Variants in RORA observed in about 807,000 individuals in gnomAD.
The protein encoded by RORA is nuclear receptor ROR-alpha.
RORA carries 7 observed loss-of-function variants against 69.5 expected under a neutral mutation model. The observed-to-expected ratio is 0.10, with a 90% confidence interval of 0.06 to 0.19. The LOEUF (loss-of-function observed/expected upper bound fraction) is 0.19, where lower values mean the gene tolerates loss of function less well. Ranked by LOEUF, RORA falls within the 10% of genes least tolerant of loss-of-function variation. The pLI, the probability that RORA is intolerant of heterozygous loss-of-function variation, is 1.00. For missense variants in RORA, 457 were observed against 663.0 expected, an observed-to-expected ratio of 0.69 and a Z score of 3.41; for synonymous variants, 261 against 240.8, an observed-to-expected ratio of 1.08 and a Z score of -0.78.
At chr15:60,834,717 C>A (rs770266473) in intron 1 of RORA, among the ~76,000 whole-genome samples, 5 of 152,226 alleles carry the variant, frequency 3.3e-5, no homozygotes, top group Non-Finnish European at 5.9e-5. Flanking sequence ...ACTTCCATCC[C>A]CCGATGAGGG....
intron 1 of RORA, among the ~76,000 whole-genome samples, chr15:60,845,723 A>G (rs1294305731): frequency 6.6e-6 from 1 of 152,212 alleles, no homozygotes; most frequent in African/African-American, 2.4e-5. Flanking sequence ...TAGCACAATT[A>G]TACACCTCAG....
intron 1 of RORA, among the ~76,000 whole-genome samples, chr15:60,990,134 T>C (rs542119278): frequency 6.6e-6 from 1 of 152,370 alleles, no homozygotes; most frequent in African/African-American, 2.4e-5. Flanking sequence ...CAGCAGACTT[T>C]ATCTTGTTAG....
intron 1 of RORA, among the ~76,000 whole-genome samples, chr15:60,916,738 C>G (rs191421023): frequency 1.3e-5 from 2 of 152,248 alleles, no homozygotes; most frequent in Non-Finnish European, 2.9e-5. Context: ...CCTCTTGACC[C>G]CCAGGTGATT....
intron 1 of RORA, among the ~76,000 whole-genome samples, chr15:60,773,748 C>T (rs143693481): frequency 3.9e-4 from 60 of 152,132 alleles, no homozygotes; most frequent in Admixed American, 1.6e-3. Flanking sequence ...TGAATTGATA[C>T]GCACATAAAG....
chr15:60,702,768 T>C (rs1343515199), intron 1 of RORA, among the ~76,000 whole-genome samples: 1 of 152,222 alleles, frequency 6.6e-6, no homozygotes, highest in African/African-American at 2.4e-5. Flanking sequence ...ATGAGATTTT[T>C]CTATGATGCT....
chr15:60,786,060 C>T (rs2072330020), intron 1 of RORA, among the ~76,000 whole-genome samples: 1 of 152,192 alleles, frequency 6.6e-6, no homozygotes, highest in Non-Finnish European at 1.5e-5. Context: ...TAAAGACTTG[C>T]CTTTGCAAGG....
At chr15:61,021,264 A>G (rs1475542201) in intron 1 of RORA, among the ~76,000 whole-genome samples, 1 of 152,222 alleles carries the variant, frequency 6.6e-6, no homozygotes, top group African/African-American at 2.4e-5. Context: ...TTCAGCCTCT[A>G]TAGTGGGAGA....
chr15:60,765,552 A>G (rs1366197846), intron 1 of RORA: 1 of 152,134 alleles, frequency 6.6e-6, no homozygotes, highest in Non-Finnish European at 1.5e-5. Flanking sequence ...TAGAAGAGAT[A>G]GCCAAGTTAC....
intron 1 of RORA, among the ~76,000 whole-genome samples, chr15:61,063,705 A>C (rs1252032716): frequency 6.6e-6 from 1 of 152,248 alleles, no homozygotes; most frequent in Admixed American, 6.5e-5. Flanking sequence ...TCATGGGTAT[A>C]AAGTATTTAG....
chr15:60,684,831 C>T (rs1219020824), intron 1 of RORA, among the ~76,000 whole-genome samples: 2 of 152,140 alleles, frequency 1.3e-5, no homozygotes, highest in Non-Finnish European at 2.9e-5. Flanking sequence ...GGCTCCAAAT[C>T]TGAAGGCTTT....
At chr15:61,024,607 C>T (rs1227846110) in intron 1 of RORA, among the ~76,000 whole-genome samples, 4 of 151,996 alleles carry the variant, frequency 2.6e-5, no homozygotes, top group Non-Finnish European at 5.9e-5. Flanking sequence ...TGCACCACCA[C>T]GCCCAGCTAA....
chr15:60,876,944 G>A (rs1038077686), intron 1 of RORA, among the ~76,000 whole-genome samples: 1 of 152,094 alleles, frequency 6.6e-6, no homozygotes, highest in Admixed American at 6.6e-5. Context: ...CACACACTGG[G>A]GCCTTTCAGA....
At chr15:60,825,239 A>G (rs1251410068) in intron 1 of RORA, among the ~76,000 whole-genome samples, 2 of 152,222 alleles carry the variant, frequency 1.3e-5, no homozygotes, top group Non-Finnish European at 2.9e-5. Flanking sequence ...CACTGCTTCT[A>G]GAACCACACC....
intron 2 of RORA, among the ~76,000 whole-genome samples, chr15:60,615,934 C>A (rs2069229392): frequency 6.6e-6 from 1 of 152,158 alleles, no homozygotes; most frequent in African/African-American, 2.4e-5. Flanking sequence ...ATGTGAGCAA[C>A]CTATAAGCAT....
intron 1 of RORA, among the ~76,000 whole-genome samples, chr15:60,971,628 T>A (rs1893716873): frequency 6.6e-6 from 1 of 152,246 alleles, no homozygotes; most frequent in Non-Finnish European, 1.5e-5. Flanking sequence ...ACCTCAGAAC[T>A]AACCTTTCTG....
intron 1 of RORA, among the ~76,000 whole-genome samples, chr15:60,749,874 CA>C (rs1332665261): frequency 6.6e-6 from 1 of 151,978 alleles, no homozygotes; most frequent in Admixed American, 6.6e-5. Flanking sequence ...CTACAAATTA[CA>C]AAAAATTAGT....
chr15:60,997,174 A>G (rs1894577745), intron 1 of RORA, among the ~76,000 whole-genome samples: 1 of 151,954 alleles, frequency 6.6e-6, no homozygotes, highest in Non-Finnish European at 1.5e-5. Context: ...CTTGGAGGGG[A>G]GGGTCAACAT....
intron 1 of RORA, among the ~76,000 whole-genome samples, chr15:60,701,666 T>C (rs980071402): frequency 1.3e-5 from 2 of 152,158 alleles, no homozygotes; most frequent in Admixed American, 6.5e-5. Context: ...GAGTGCCCTG[T>C]CCCCGACTCG....
At chr15:60,593,773 G>A (rs1179167801) in intron 2 of RORA, among the ~76,000 whole-genome samples, 2 of 152,128 alleles carry the variant, frequency 1.3e-5, no homozygotes, top group Non-Finnish European at 2.9e-5. Flanking sequence ...TAAAATATCA[G>A]ATGGCTATTA....
Sources: gnomAD v4.1 joint callset for allele counts (sites outside exome capture counted in the v4.1 genomes callset) on GRCh38, gnomAD v4.1.1 for gene constraint, MANE v1.5 for transcripts, NCBI Gene and HGNC (gene_info 2026-07-23, HGNC 2026-07-21) for gene names.